Variants in CDON observed in about 807,000 individuals in gnomAD.
CDON encodes the protein cell adhesion molecule-related/down-regulated by oncogenes.
CDON carries 73 observed loss-of-function variants against 120.9 expected under a neutral mutation model. That is an observed-to-expected ratio of 0.60 (90% CI 0.50 to 0.73). The LOEUF (loss-of-function observed/expected upper bound fraction) is 0.73. Ranked by LOEUF, CDON falls within the 30% of genes least tolerant of loss-of-function variation. CDON has a pLI of 0.00. For missense variants in CDON, 1,470 were observed against 1,587.3 expected, an observed-to-expected ratio of 0.93 and a Z score of 1.26; for synonymous variants, 566 against 573.5, an observed-to-expected ratio of 0.99 and a Z score of 0.19.
intron 1 of CDON, among the ~76,000 whole-genome samples, chr11:126,048,572 A>C (rs1019438233): frequency 5.3e-5 from 8 of 152,248 alleles, no homozygotes; most frequent in African/African-American, 1.9e-4. Context: ...ATTTCATTAG[A>C]GAATGAAGAG....
rs1200870416 is a variant in CDON at position 125,957,633 on chromosome 11, A to G, written c.*3309T>C. ...AGTCATTACTTTAAAAGAGAGCAAC[A>G]CAGGTAAAATTCAATGATAAACTTC... On this transcript the variant is annotated 3_prime_UTR_variant, in exon 20 of 20. Coordinates refer to ENST00000531738, the MANE Select transcript of CDON (RefSeq NM_001378964.1). The G allele has an allele frequency of 2.0e-5, 3 of 152,240 alleles. No homozygotes were observed. Among genetic ancestry groups the G allele is most frequent in the East Asian group, 1.9e-4 (1 of 5,192 alleles). 9.4% of individuals were successfully genotyped at this position (152,240 alleles called of 1,614,324 possible).
intron 1 of CDON, among the ~76,000 whole-genome samples, chr11:126,029,004 T>A (rs1182901968): frequency 6.6e-6 from 1 of 152,060 alleles, no homozygotes; most frequent in Non-Finnish European, 1.5e-5. Context: ...TATTGTCAAG[T>A]CGTGTTCCAA....
chr11:126,010,408 C>T lies in CDON; in HGVS notation c.1485G>A (p.Ala495=), dbSNP rs371467859. The T allele has an allele frequency of 3.8e-5, 62 of 1,613,966 alleles. No homozygotes were observed. The highest frequency in any genetic ancestry group is 5.5e-5 in the South Asian group (5 of 91,064). The part of the protein sequence containing the change: ...LHIQAVTQEH[A]GKYICEAANE... Reference sequence around the variant, plus strand: ...TTGCAGCTTCGCAGATGTATTTCCCCGCATGTTCCTGAGTCACAGCCTGAA... The same window carrying T: ...TTGCAGCTTCGCAGATGTATTTCCCTGCATGTTCCTGAGTCACAGCCTGAA... Residue 495 remains alanine, a synonymous_variant, in exon 8 of 20, where the codon GCG becomes GCA. Transcript: ENST00000531738.
chr11:126,022,897 C>A (rs1947680888), intron 2 of CDON, among the ~76,000 whole-genome samples: 1 of 152,156 alleles, frequency 6.6e-6, no homozygotes. Flanking sequence ...CTTACATACA[C>A]ATTTAACAAC....
At chr11:126,021,200 A>G (rs1172639507) in intron 3 of CDON, 48 bp downstream of exon 3, 1 of 1,577,740 alleles carries the variant, frequency 6.3e-7, no homozygotes, top group Admixed American at 1.7e-5. Context: ...AAGCACTAAC[A>G]GTAATTTCAA....
chr11:125,960,016 C>T lies in CDON; in HGVS notation c.*926G>A, dbSNP rs932404457. On this transcript the variant is annotated 3_prime_UTR_variant, in exon 20 of 20. Coordinates refer to ENST00000531738, the MANE Select transcript of CDON (RefSeq NM_001378964.1). ...ACTGCCGTAATTCATCAAGACCTTA[C>T]ACTCCACCACGTCCATAACACTATG... 1 of 152,224 alleles carries T rather than the reference C, an allele frequency of 6.6e-6. No individual in the cohort carries two copies. The highest frequency in any genetic ancestry group is 1.5e-5 in the Non-Finnish European group (1 of 68,044). 9.4% of individuals were successfully genotyped at this position (152,224 alleles called of 1,614,324 possible). A position where few individuals can be genotyped will look rare whatever the true frequency, so the allele number is the denominator to read the frequency against.
intron 10 of CDON, among the ~76,000 whole-genome samples, chr11:126,002,818 T>G (rs1946989268): frequency 6.6e-6 from 1 of 152,196 alleles, no homozygotes. Context: ...TGCTGTGTGA[T>G]GTGGACACCC....
chr11:126,038,412 G>A (rs924402775), intron 1 of CDON, among the ~76,000 whole-genome samples: 5 of 152,140 alleles, frequency 3.3e-5, no homozygotes, highest in African/African-American at 1.2e-4. Context: ...AGCACTTAGG[G>A]GGGCCGAGGC....
chr11:125,970,031 T>C (rs562363), intron 18 of CDON, among the ~76,000 whole-genome samples: 31,387 of 152,118 alleles, frequency 0.21, 3,582 homozygotes, highest in African/African-American at 0.3. Flanking sequence ...TAGATGACTA[T>C]ATAATTTTTG....
At chr11:125,977,405 G>C (rs1337489970) in intron 18 of CDON, among the ~76,000 whole-genome samples, 2 of 152,168 alleles carry the variant, frequency 1.3e-5, no homozygotes, top group Non-Finnish European at 1.5e-5. Flanking sequence ...AACTCCCAGA[G>C]ACAACTCTTA....
Position 126,034,147 on chromosome 11 carries a change from C to T in CDON, c.-61-10610G>A, listed in dbSNP as rs1309679793. 1.3e-5 allele frequency among the ~76,000 whole-genome samples: 2 copies of T among 151,934 alleles called. No homozygotes were observed. Among genetic ancestry groups the T allele is most frequent in the African/African-American group, 2.4e-5 (1 of 41,368 alleles). On this transcript the variant is annotated intron_variant, in intron 1 of 19. Coordinates refer to ENST00000531738, the MANE Select transcript of CDON (RefSeq NM_001378964.1). This position sits in a 1 kb window ranked among gnomAD's most constrained non-coding sequence, Gnocchi z 4.5. ...ATCAACTTAAAAAAAAAAAAGTTCA[C>T]ACCTACAGACTTCGCAACCCTTCCC...
intron 1 of CDON, among the ~76,000 whole-genome samples, chr11:126,051,772 C>T (rs1047764313): frequency 2.6e-5 from 4 of 151,636 alleles, no homozygotes; most frequent in African/African-American, 4.8e-5. Flanking sequence ...CTCAGCCTCC[C>T]GAGTAGCTGG....
At chr11:126,023,589 G>T in intron 1 of CDON, 52 bp from the exon 2 acceptor site, 1 of 821,868 alleles carries the variant, frequency 1.2e-6, no homozygotes, top group Non-Finnish European at 2.1e-6. Flanking sequence ...TTTCGTCTGA[G>T]CAGCTGGAGC....
rs1346124316 is a variant in CDON, at chr11:125,957,544, C to A, written c.*3398G>T. 2.6e-5 allele frequency: 4 copies of A among 152,130 alleles called. No homozygotes were observed. The highest frequency in any genetic ancestry group is 2.1e-4 in the South Asian group (1 of 4,820). The allele number at this position is 152,130 out of a possible 1,614,324, so 9.4% of individuals were successfully genotyped here. ...TTTAAAATATGTACAGTTTCACACA[C>A]AATATTACAACTTTAAGGAAAATAA... is the stretch of plus-strand genomic sequence containing the variant. On this transcript the variant is annotated 3_prime_UTR_variant, in exon 20 of 20. Coordinates refer to ENST00000531738, the MANE Select transcript of CDON (RefSeq NM_001378964.1).
intron 15 of CDON, among the ~76,000 whole-genome samples, chr11:125,984,508 G>A (rs1946407059): frequency 6.6e-6 from 1 of 152,124 alleles, no homozygotes; most frequent in Non-Finnish European, 1.5e-5. Context: ...AACGGCCTGA[G>A]CAACACAGGG....
chr11:125,989,736 C>T lies in CDON; in HGVS notation c.2674G>A (p.Gly892Ser). The stretch of plus-strand genomic sequence containing the variant: ...TAGGAGGTTTCTGGCTGCAGGTGGC[C>T]AATCATGTGCCACTGCTTTGAACCT... ...VEGSKQWHMI[G>S]HLQPETSYDI... The change falls in exon 15 of 20, where the codon GGC becomes AGC. Residue 892 changes from glycine (G) to serine (S), a missense_variant. Transcript: ENST00000531738. The T allele has an allele frequency of 1.9e-6, 3 of 1,612,740 alleles. No individual in the cohort carries two copies. The highest frequency in any genetic ancestry group is 2.5e-6 in the Non-Finnish European group (3 of 1,179,056).
intron 2 of CDON, among the ~76,000 whole-genome samples, chr11:126,022,101 C>CAAAAAAA (rs56788784): frequency 2.8e-3 from 157 of 55,974 alleles, no homozygotes; most frequent in Non-Finnish European, 3.3e-3. Context: ...GACCCTGCTT[C>CAAAAAAA]AAAAAAAAAA....
intron 7 of CDON, among the ~76,000 whole-genome samples, chr11:126,011,701 T>C (rs1947308304): frequency 6.6e-6 from 1 of 152,258 alleles, no homozygotes; most frequent in Non-Finnish European, 1.5e-5. Flanking sequence ...CAGTATCTAT[T>C]AGGAAGATGT....
chr11:125,983,711 G>A (rs926270851), intron 16 of CDON, among the ~76,000 whole-genome samples, 161 bp downstream of exon 16: 1 of 152,186 alleles, frequency 6.6e-6, no homozygotes, highest in African/African-American at 2.4e-5. Flanking sequence ...CTGGCTGACA[G>A]CTAGAACAGT....
Sources: allele counts gnomAD v4.1 joint callset (sites outside exome capture counted in the v4.1 genomes callset), GRCh38; gene constraint gnomAD v4.1.1; non-coding constraint Gnocchi (gnomAD v3.1); transcripts MANE v1.5; gene names NCBI Gene and HGNC (gene_info 2026-07-23, HGNC 2026-07-21).